The following RPH3A variants were observed in gnomAD, a reference collection of about 807,000 sequenced individuals.
RPH3A encodes the protein rabphilin-3A.
In RPH3A, 48 loss-of-function variants were observed where a neutral mutation model predicts 102.2. The ratio of observed to expected loss-of-function variants is 0.47; its 90% CI spans 0.37 to 0.60. The LOEUF (loss-of-function observed/expected upper bound fraction) is 0.60, where lower values mean the gene tolerates loss of function less well. Ranked by LOEUF, RPH3A falls within the 20% of genes least tolerant of loss-of-function variation. The pLI is 0.00. For synonymous variants in RPH3A, 310 were observed against 324.3 expected (o/e 0.96, Z 0.47); for missense variants, 781 against 910.1 (o/e 0.86, Z 1.83).
In RPH3A at chr12:112,741,752, A is replaced by G. The variant is rs143694768; in HGVS notation, c.-139-50391A>G. Among the ~76,000 whole-genome samples, 550 of 152,284 alleles carry G rather than the reference A, an allele frequency of 3.6e-3. 3 individuals are homozygous for G. Among genetic ancestry groups the G allele is most frequent in the African/African-American group, 0.013 (523 of 41,554 alleles). ...CCCATCTCTCTGGAAACATGTGTTG[A>G]AGACAAAAGAGGATACAGCACACAG... On this transcript the variant is annotated intron_variant, in intron 1 of 21. Transcript: ENST00000543106.
chr12:112,801,292 C>A (rs2041347505), intron 2 of RPH3A, among the ~76,000 whole-genome samples: 1 of 152,238 alleles, frequency 6.6e-6, no homozygotes, highest in South Asian at 2.1e-4. Flanking sequence ...GCATTTGGAG[C>A]AGGAGCTGGG....
At chr12:112,678,680 T>C (rs1304334591) in intron 1 of RPH3A, among the ~76,000 whole-genome samples, 1 of 152,168 alleles carries the variant, frequency 6.6e-6, no homozygotes, top group Non-Finnish European at 1.5e-5. Flanking sequence ...GGAAGAAACC[T>C]GACGCAGGAT....
At position 112,894,502 on chromosome 12, in the gene RPH3A, A is replaced by G. The variant is rs1278594394; in HGVS notation, c.1776-76A>G. On this transcript the variant is annotated intron_variant, in intron 19 of 21. Coordinates refer to ENST00000389385, the MANE Select transcript of RPH3A (RefSeq NM_001143854.2). ...TATTCATCAATTCACCCTGATAAAG[A>G]AGGGGCCTTTGGGGTCAAGAGGCTG... 14 of 1,268,222 alleles carry G rather than the reference A, an allele frequency of 1.1e-5. No individual in the cohort carries two copies. The East Asian group carries it at 3.0e-4, about 28-fold the overall frequency. The allele number at this position is 1,268,222 out of a possible 1,614,324, so 78.6% of individuals were successfully genotyped here.
chr12:112,638,204 C>A (rs2039861453), intron 1 of RPH3A, among the ~76,000 whole-genome samples: 1 of 152,184 alleles, frequency 6.6e-6, no homozygotes, highest in African/African-American at 2.4e-5. Flanking sequence ...TCTGCACACG[C>A]CAGCTCCCCT....
chr12:112,876,933 G>C (rs1448375743), intron 13 of RPH3A, 67 bp downstream of exon 13: 1 of 1,261,918 alleles, frequency 7.9e-7, no homozygotes, highest in African/African-American at 1.5e-5. Context: ...AGGAAAACAG[G>C]AACGGCTCAG....
intron 5 of RPH3A, among the ~76,000 whole-genome samples, chr12:112,863,191 C>A (rs2042550808): frequency 6.6e-6 from 1 of 152,246 alleles, no homozygotes; most frequent in Non-Finnish European, 1.5e-5. Flanking sequence ...AGAAATGTAG[C>A]ACCTCAGGCC....
At chr12:112,890,137 C>A in intron 18 of RPH3A, 57 bp downstream of exon 18, 2 of 1,464,896 alleles carry the variant, frequency 1.4e-6, no homozygotes, top group Non-Finnish European at 1.9e-6. Context: ...GCTAGGCTAG[C>A]ATCTTCCTCT....
chr12:112,579,188 A>C (rs2039379521), intron 1 of RPH3A, among the ~76,000 whole-genome samples: 1 of 152,074 alleles, frequency 6.6e-6, no homozygotes. Context: ...GATTGGTTGG[A>C]TTTACCACTG....
At chr12:112,767,204 G>T (rs2040896037) in intron 1 of RPH3A, among the ~76,000 whole-genome samples, 1 of 152,182 alleles carries the variant, frequency 6.6e-6, no homozygotes, top group Admixed American at 6.5e-5. Flanking sequence ...CAGGGACCAT[G>T]TCTTATTGAC....
At chr12:112,833,653 G>A (rs1253190833) in intron 3 of RPH3A, among the ~76,000 whole-genome samples, 2 of 151,980 alleles carry the variant, frequency 1.3e-5, no homozygotes, top group Non-Finnish European at 2.9e-5. Context: ...TTTAAAAATT[G>A]CTTTACAGAG....
chr12:112,791,927 T>A lies in RPH3A; in HGVS notation c.-225T>A, dbSNP rs1488268722. ...GAGACTCACAGAGCTAAAACCTTCA[T>A]CCATGTGGAGGACAGTCTGAGGGAG... is the stretch of plus-strand genomic sequence containing the variant. On this transcript the variant is annotated 5_prime_UTR_variant, in exon 1 of 22. Transcript: ENST00000389385. The A allele has an allele frequency of 5.3e-5, 2 of 37,920 alleles. No homozygotes were observed. The highest frequency in any genetic ancestry group is 1.1e-4 in the Non-Finnish European group (2 of 18,516). 2.3% of individuals were successfully genotyped at this position (37,920 alleles called of 1,614,324 possible).
rs558906480 is a variant in RPH3A, at chr12:112,698,723, G to T, written c.-139-93420G>T. On this transcript the variant is annotated intron_variant, in intron 1 of 21. Coordinates refer to the RPH3A transcript ENST00000543106. ...AAACAGATAATTAATATCCAATGCT[G>T]GTGAGGATATGAAGCCACTGGAACT... 9.2e-5 allele frequency among the ~76,000 whole-genome samples: 14 copies of T among 152,278 alleles called. No individual in the cohort carries two copies. In the South Asian group the frequency reaches 2.9e-3, roughly 32 times the overall value.
chr12:112,839,541 C>T (rs2042108600), intron 4 of RPH3A, among the ~76,000 whole-genome samples: 1 of 152,106 alleles, frequency 6.6e-6, no homozygotes, highest in South Asian at 2.1e-4. Flanking sequence ...ACAGGATATC[C>T]TGGGTTTTCT....
chr12:112,633,242 A>G (rs528105452), intron 1 of RPH3A, among the ~76,000 whole-genome samples: 1 of 152,266 alleles, frequency 6.6e-6, no homozygotes, highest in African/African-American at 2.4e-5. Flanking sequence ...AATCTATATG[A>G]GTCATCCTTC....
At chr12:112,870,310 CAAAAAA>C (rs377457634) in intron 10 of RPH3A, among the ~76,000 whole-genome samples, 1 of 105,606 alleles carries the variant, frequency 9.5e-6, no homozygotes, top group African/African-American at 3.5e-5. Context: ...CTCCCCGCCT[CAAAAAA>C]AAAAAAAAAA....
intron 1 of RPH3A, among the ~76,000 whole-genome samples, chr12:112,678,305 G>GAAAGAAAGAAAGAA (rs1329663291): frequency 1.8e-5 from 2 of 111,982 alleles, no homozygotes; most frequent in African/African-American, 7.5e-5. Context: ...AAGAAAGAAA[G>GAAAGAAAGAAAGAA]AGAGAGAGAG....
intron 19 of RPH3A, chr12:112,891,266 A>T (rs554983707): frequency 4.2e-6 from 2 of 481,560 alleles, no homozygotes; most frequent in Non-Finnish European, 7.5e-6. Flanking sequence ...TGGCTCTGCA[A>T]CTAAGCTAAT....
At chr12:112,870,084 G>A (rs1842377163) in intron 10 of RPH3A, 45 bp downstream of exon 10, 2 of 1,558,078 alleles carry the variant, frequency 1.3e-6, no homozygotes, top group Admixed American at 4.0e-5. Flanking sequence ...TGGATAGGGA[G>A]ACTCAAAAAG....
chr12:112,640,874 G>A (rs1029155666), intron 1 of RPH3A, among the ~76,000 whole-genome samples: 1 of 152,156 alleles, frequency 6.6e-6, no homozygotes, highest in African/African-American at 2.4e-5. Context: ...TTCTCCTTCA[G>A]CATTTTCCCT....
Sources: allele counts gnomAD v4.1 joint callset (sites outside exome capture counted in the v4.1 genomes callset), GRCh38; gene constraint gnomAD v4.1.1; transcripts MANE v1.5; gene names NCBI Gene and HGNC (gene_info 2026-07-23, HGNC 2026-07-21).